Variants in GRIN2B observed in about 807,000 individuals in gnomAD.
GRIN2B encodes glutamate receptor ionotropic, NMDA 2B.
A neutral mutation model predicts 114.5 loss-of-function variants in GRIN2B; 5 were observed. That is an observed-to-expected ratio of 0.04 (90% CI 0.02 to 0.09). GRIN2B has a LOEUF of 0.09. GRIN2B is among the 10% of genes least tolerant of loss of function. The pLI, the probability that GRIN2B is intolerant of heterozygous loss-of-function variation, is 1.00. For synonymous variants in GRIN2B, 787 were observed against 745.1 expected, an observed-to-expected ratio of 1.06 and a Z score of -0.92; for missense variants, 1,108 against 1,943.5, an observed-to-expected ratio of 0.57 and a Z score of 8.08.
chr12:13,744,310 A>C (rs942626304), intron 4 of GRIN2B, among the ~76,000 whole-genome samples: 6 of 152,238 alleles, frequency 3.9e-5, no homozygotes, highest in African/African-American at 1.2e-4. Context: ...GAGAAATGTA[A>C]CATATAAAAG....
chr12:13,765,728 G>A (rs988241977), intron 3 of GRIN2B, among the ~76,000 whole-genome samples: 20 of 152,156 alleles, frequency 1.3e-4, no homozygotes, highest in African/African-American at 4.8e-4. Flanking sequence ...ATTGCAGCAG[G>A]CCCTGATATT....
At position 13,541,149 on chromosome 12, in the gene GRIN2B, A is replaced by G. The variant is rs1047902491; in HGVS notation, c.*21634T>C. ...AAAAGAGATTTCCCCTAGGGACAAGAGCTCACTGCCCCATCCCTTCTCTGA... is the reference window on the plus strand; with the variant it reads ...AAAAGAGATTTCCCCTAGGGACAAGGGCTCACTGCCCCATCCCTTCTCTGA... On this transcript the variant is annotated 3_prime_UTR_variant, in exon 14 of 14. Coordinates refer to ENST00000609686, the MANE Select transcript of GRIN2B (RefSeq NM_000834.5). 2.0e-5 allele frequency: 3 copies of G among 152,226 alleles called. No individual in the cohort carries two copies. The highest frequency in any genetic ancestry group is 2.1e-4 in the South Asian group (1 of 4,818). 9.4% of individuals were successfully genotyped at this position (152,226 alleles called of 1,614,324 possible).
At chr12:13,864,072 C>T (rs1357627344) in intron 3 of GRIN2B, among the ~76,000 whole-genome samples, 1 of 152,186 alleles carries the variant, frequency 6.6e-6, no homozygotes, top group Non-Finnish European at 1.5e-5. Context: ...TTCCATTTTG[C>T]TTATTTTTCC....
At position 13,944,310 on chromosome 12, in the gene GRIN2B, T is replaced by C. The variant is rs928131607; in HGVS notation, c.-19+35618A>G. Among the ~76,000 whole-genome samples, 7 of 152,302 alleles carry C rather than the reference T, an allele frequency of 4.6e-5. No homozygotes were observed. The East Asian group carries it at 1.4e-3, about 29-fold the overall frequency. ...TATCTCAGTCATACAACCCAACATTTCACAACACTTCACACAAGTCTAAAT... is the reference window on the plus strand; with the variant it reads ...TATCTCAGTCATACAACCCAACATTCCACAACACTTCACACAAGTCTAAAT... On this transcript the variant is annotated intron_variant, in intron 2 of 13. Transcript: ENST00000609686.
intron 4 of GRIN2B, among the ~76,000 whole-genome samples, chr12:13,718,954 G>A (rs890587328): frequency 2.0e-5 from 3 of 151,974 alleles, no homozygotes; most frequent in Non-Finnish European, 2.9e-5. Flanking sequence ...CCAAAGCACT[G>A]ACCTACCTAC....
intron 4 of GRIN2B, among the ~76,000 whole-genome samples, chr12:13,741,109 C>CA (rs1169215055): frequency 5.1e-4 from 78 of 152,196 alleles, no homozygotes; most frequent in African/African-American, 1.8e-3. Flanking sequence ...CAGCTCACTG[C>CA]AACCTCCACC....
chr12:13,756,567 C>G (rs1863580275), intron 3 of GRIN2B, among the ~76,000 whole-genome samples: 1 of 152,208 alleles, frequency 6.6e-6, no homozygotes, highest in Admixed American at 6.5e-5. Flanking sequence ...AATATTATCA[C>G]ATGAGCTTCC....
chr12:13,708,588 G>A (rs1187863590), intron 4 of GRIN2B, among the ~76,000 whole-genome samples: 3 of 152,026 alleles, frequency 2.0e-5, no homozygotes, highest in Non-Finnish European at 4.4e-5. Context: ...ATTTGAAGAG[G>A]AGAGGAGACA....
At chr12:13,782,934 G>A (rs1478784961) in intron 3 of GRIN2B, among the ~76,000 whole-genome samples, 1 of 152,158 alleles carries the variant, frequency 6.6e-6, no homozygotes, top group Non-Finnish European at 1.5e-5. Flanking sequence ...CATGGGAATG[G>A]GGATACACTG....
chr12:13,802,924 G>A (rs1283604467), intron 3 of GRIN2B, among the ~76,000 whole-genome samples: 1 of 152,018 alleles, frequency 6.6e-6, no homozygotes, highest in Admixed American at 6.6e-5. Context: ...TTTGAACTGT[G>A]CAGGGTCCAC....
intron 5 of GRIN2B, among the ~76,000 whole-genome samples, chr12:13,619,553 T>G (rs1478998164): frequency 6.6e-6 from 1 of 152,222 alleles, no homozygotes; most frequent in Non-Finnish European, 1.5e-5. Context: ...CTTTCCCAAC[T>G]TCTACCAAGT....
intron 5 of GRIN2B, among the ~76,000 whole-genome samples, chr12:13,633,685 T>A (rs1386916480): frequency 6.6e-6 from 1 of 152,234 alleles, no homozygotes; most frequent in Non-Finnish European, 1.5e-5. Context: ...TGCTCCTACC[T>A]GGTCTTAACT....
chr12:13,862,320 T>C (rs1465527809), intron 3 of GRIN2B, among the ~76,000 whole-genome samples: 1 of 152,232 alleles, frequency 6.6e-6, no homozygotes, highest in African/African-American at 2.4e-5. Context: ...AAAAACTTCT[T>C]GAATACAAAC....
In GRIN2B at chr12:13,757,830, TA is replaced by T. The variant is rs563177500; in HGVS notation, c.412-3916del. ...TGTGGTGTTTATTTGCTAATAAGAA[TA>T]AAAAAAAAGAGGTGCTTTTTCATCT... On this transcript the variant is annotated intron_variant, in intron 3 of 13. Coordinates refer to ENST00000609686, the MANE Select transcript of GRIN2B (RefSeq NM_000834.5). 7.4e-3 allele frequency among the ~76,000 whole-genome samples: 1,114 copies of T among 150,756 alleles called. 7 individuals carry two copies. The highest frequency in any genetic ancestry group is 0.017 in the Middle Eastern group (5 of 294).
At chr12:13,839,033 C>A (rs1289136300) in intron 3 of GRIN2B, among the ~76,000 whole-genome samples, 1 of 152,140 alleles carries the variant, frequency 6.6e-6, no homozygotes, top group East Asian at 1.9e-4. Context: ...AGCATATTCA[C>A]CCATTCACTC....
chr12:13,698,577 C>T (rs74997138), intron 4 of GRIN2B, among the ~76,000 whole-genome samples: 3,003 of 152,138 alleles, frequency 0.02, 104 homozygotes, highest in African/African-American at 0.069. Context: ...CAAATATTTC[C>T]ACAATGTGTA....
chr12:13,625,705 A>G (rs569828843), intron 5 of GRIN2B, among the ~76,000 whole-genome samples: 64 of 152,180 alleles, frequency 4.2e-4, no homozygotes, highest in Non-Finnish European at 7.9e-4. Flanking sequence ...TTTTCCAAAC[A>G]TCAGGGCGAA....
rs1220513899 is a variant in GRIN2B, at chr12:13,548,608, AT to A, written c.*14174del. 2.0e-5 allele frequency: 3 copies of A among 152,024 alleles called. No individual in the cohort carries two copies. The highest frequency in any genetic ancestry group is 7.2e-5 in the African/African-American group (3 of 41,394). The allele number at this position is 152,024 out of a possible 1,614,324, so 9.4% of individuals were successfully genotyped here. A position where few individuals can be genotyped will look rare whatever the true frequency, so the allele number is the denominator to read the frequency against. ...TTTTCAGGATCATCATGATCCAGGT[AT>A]CTGTAATGACACTCATGAAAAAGAT... On this transcript the variant is annotated 3_prime_UTR_variant, in exon 14 of 14. Coordinates refer to ENST00000609686, the MANE Select transcript of GRIN2B (RefSeq NM_000834.5).
chr12:13,896,376 G>C (rs1591608539), intron 2 of GRIN2B, among the ~76,000 whole-genome samples: 1 of 152,294 alleles, frequency 6.6e-6, no homozygotes, highest in East Asian at 1.9e-4. Flanking sequence ...GAAGAGGATA[G>C]GGTGTCCACT....
Sources: allele counts gnomAD v4.1 joint callset (sites outside exome capture counted in the v4.1 genomes callset), GRCh38; gene constraint gnomAD v4.1.1; transcripts MANE v1.5; gene names NCBI Gene and HGNC (gene_info 2026-07-23, HGNC 2026-07-21).